The following SAP130 variants were observed in gnomAD, a reference collection of about 807,000 sequenced individuals.
The protein encoded by SAP130 is histone deacetylase complex subunit SAP130.
SAP130 carries 16 observed loss-of-function variants against 103.2 expected under a neutral mutation model. That is an observed-to-expected ratio of 0.16 (90% CI 0.10 to 0.24). The LOEUF is 0.24. Among genes scored for constraint, SAP130 ranks in the 10% least tolerant of loss-of-function variants. The probability of loss-of-function intolerance (pLI) is 1.00; values close to 1 mark genes in which losing one functional copy is unlikely to be tolerated. For synonymous variants in SAP130, 477 were observed against 497.0 expected (o/e 0.96, Z 0.53); for missense variants, 990 against 1,359.7 (o/e 0.73, Z 4.28).
chr2:128,008,507 G>T (rs1684134479), intron 7 of SAP130, among the ~76,000 whole-genome samples: 1 of 144,176 alleles, frequency 6.9e-6, no homozygotes, highest in Admixed American at 6.9e-5. Context: ...TAGGGCTATA[G>T]GTACATGCCA....
intron 2 of SAP130, among the ~76,000 whole-genome samples, chr2:128,021,494 TAC>T (rs1685159019): frequency 6.6e-6 from 1 of 150,920 alleles, no homozygotes; most frequent in African/African-American, 2.4e-5. Context: ...AAGACTGATA[TAC>T]GTTTTCTTTT....
At chr2:127,982,531 A>G (rs1682027035) in intron 14 of SAP130, among the ~76,000 whole-genome samples, 1 of 152,240 alleles carries the variant, frequency 6.6e-6, no homozygotes, top group Non-Finnish European at 1.5e-5. Context: ...CTAACAGTGA[A>G]GACGGAAGAA....
intron 14 of SAP130, among the ~76,000 whole-genome samples, chr2:127,984,660 C>G (rs1354178027): frequency 6.6e-6 from 1 of 152,156 alleles, no homozygotes; most frequent in Non-Finnish European, 1.5e-5. Context: ...ATCAAGTTCA[C>G]CTGCCAGAGT....
intron 2 of SAP130, among the ~76,000 whole-genome samples, chr2:128,019,050 G>A (rs894191564): frequency 6.6e-6 from 1 of 151,848 alleles, no homozygotes; most frequent in African/African-American, 2.4e-5. Context: ...AGTGAGCTGA[G>A]ATTGCGCCAC....
At chr2:128,023,926 T>A (rs1307497107) in intron 2 of SAP130, among the ~76,000 whole-genome samples, 18 of 151,932 alleles carry the variant, frequency 1.2e-4, no homozygotes, top group Non-Finnish European at 1.5e-4. Flanking sequence ...AGAATAATAA[T>A]ATTCTCTAGA....
intron 15 of SAP130, among the ~76,000 whole-genome samples, chr2:127,975,047 G>T (rs186568574): frequency 3.3e-5 from 5 of 152,220 alleles, no homozygotes; most frequent in East Asian, 3.9e-4. Flanking sequence ...CTCTCAGAAC[G>T]TATCCCCATT....
Position 127,979,354 on chromosome 2 carries a change from C to A in SAP130, c.1959-1265G>T, listed in dbSNP as rs140802517. On this transcript the variant is annotated intron_variant, in intron 14 of 20. Transcript: ENST00000643581. ...ACTGGAACTATAAGATAATACATGT[C>A]TGTTGCCTTAAGCCAGAAGATTTAT... Among the ~76,000 whole-genome samples the A allele has an allele frequency of 3.3e-4, 51 of 152,268 alleles. 1 individual carries two copies. In the South Asian group the frequency reaches 6.4e-3, roughly 19 times the overall value.
chr2:127,969,062 T>A, intron 15 of SAP130, among the ~76,000 whole-genome samples: 1 of 152,122 alleles, frequency 6.6e-6, no homozygotes, highest in East Asian at 1.9e-4. Flanking sequence ...AACAAAACAG[T>A]AAACAAAGTG....
chr2:127,972,416 GC>G (rs1681155434), intron 15 of SAP130, among the ~76,000 whole-genome samples: 2 of 152,212 alleles, frequency 1.3e-5, no homozygotes, highest in Admixed American at 6.5e-5. Flanking sequence ...TTCAAGACCA[GC>G]CTGGGCTACA....
At chr2:128,009,063 A>AT (rs1684195596) in intron 7 of SAP130, among the ~76,000 whole-genome samples, 1 of 152,122 alleles carries the variant, frequency 6.6e-6, no homozygotes, top group African/African-American at 2.4e-5. Context: ...CCTGTTAGGT[A>AT]TACAGGCCAA....
intron 1 of SAP130, chr2:128,027,355 T>C: frequency 8.7e-7 from 1 of 1,143,136 alleles, no homozygotes; most frequent in Non-Finnish European, 1.1e-6. Context: ...GACGCGTCAG[T>C]GGAGGCCCAG....
At chr2:127,949,470 A>G (rs1457143032) in intron 18 of SAP130, among the ~76,000 whole-genome samples, 1 of 152,216 alleles carries the variant, frequency 6.6e-6, no homozygotes, top group Non-Finnish European at 1.5e-5. Context: ...AAATGCTTAC[A>G]ATGCATGCGT....
At chr2:127,970,983 T>C (rs1681047210) in intron 15 of SAP130, among the ~76,000 whole-genome samples, 1 of 151,886 alleles carries the variant, frequency 6.6e-6, no homozygotes, top group African/African-American at 2.4e-5. Context: ...CAGGTTCTTA[T>C]TCTGTCACTC....
chr2:127,989,675 G>T lies in SAP130; in HGVS notation c.1669C>A (p.Pro557Thr). 6.2e-7 allele frequency: 1 copy of T among 1,614,174 alleles called. No homozygotes were observed. The highest frequency in any genetic ancestry group is 1.1e-5 in the South Asian group (1 of 91,080). Residue 557 changes from proline (P) to threonine (T), a missense_variant, in exon 13 of 21, where the codon CCT becomes ACT. Physicochemically the swap from Pro to Thr is conservative, Grantham distance 38. This residue lies in a region of SAP130 where 349 missense variants were observed against 384.1 expected (regional missense o/e 0.91). Transcript: ENST00000643581. The surrounding 1 kb of genome is among the most constrained non-coding windows in gnomAD (Gnocchi z 4.6). ...ATTCCCTGTGTGCCAAGTGGTGCAG[G>T]CTGTATCCCTGGGGTCCCAATGGGG... is the stretch of plus-strand genomic sequence containing the variant. ...PAPIGTPGIQ[P>T]APLGTQGIHS...
chr2:127,984,096 C>T (rs1682190294), intron 14 of SAP130, among the ~76,000 whole-genome samples: 1 of 151,976 alleles, frequency 6.6e-6, no homozygotes, highest in African/African-American at 2.4e-5. Context: ...ATCGTTTTCT[C>T]CAATTTTCTT....
chr2:128,001,660 C>T (rs1305812911), intron 7 of SAP130, among the ~76,000 whole-genome samples: 2 of 152,124 alleles, frequency 1.3e-5, no homozygotes, highest in East Asian at 3.9e-4. Flanking sequence ...CAGTAACAGG[C>T]TGTATAGGTC....
Position 127,942,190 on chromosome 2 carries a change from A to T in SAP130, c.3016-26T>A. On this transcript the variant is annotated intron_variant, in intron 20 of 20. Transcript: ENST00000643581. The surrounding 1 kb of genome is among the most constrained non-coding windows in gnomAD (Gnocchi z 4.8). ...CTGAAACAGAAGACATTGCATCATCAATCAGTGACCATGAGGATAGTACAG... is the reference window on the plus strand; with the variant it reads ...CTGAAACAGAAGACATTGCATCATCTATCAGTGACCATGAGGATAGTACAG... 1 of 1,569,140 alleles carries T rather than the reference A, an allele frequency of 6.4e-7. No homozygotes were observed. The highest frequency in any genetic ancestry group is 1.2e-5 in the South Asian group (1 of 83,940).
chr2:128,026,766 G>A (rs1433423874), intron 1 of SAP130, among the ~76,000 whole-genome samples: 1 of 152,246 alleles, frequency 6.6e-6, no homozygotes, highest in African/African-American at 2.4e-5. Context: ...CTTACATCCA[G>A]ACCCGATGCA....
chr2:127,999,616 G>C, intron 10 of SAP130, 125 bp downstream of exon 10: 1 of 374,586 alleles, frequency 2.7e-6, no homozygotes, highest in Non-Finnish European at 4.5e-6. Flanking sequence ...AAAAAGAAAA[G>C]AAAAAAAAAA....
Sources: gnomAD v4.1 joint callset for allele counts (sites outside exome capture counted in the v4.1 genomes callset) on GRCh38, gnomAD v4.1.1 for gene constraint, gnomAD v4.1.1 regional missense constraint, Gnocchi (gnomAD v3.1) non-coding constraint, MANE v1.5 for transcripts, NCBI Gene and HGNC (gene_info 2026-07-23, HGNC 2026-07-21) for gene names.